ZDHHC19: variants seen among roughly 807,000 people sequenced by gnomAD.
ZDHHC19 encodes zDHHC palmitoyltransferase 19, also known as palmitoyltransferase ZDHHC19.
ZDHHC19 carries 30 observed loss-of-function variants against 33.9 expected under a neutral mutation model. The observed-to-expected ratio is 0.88, with a 90% CI of 0.66 to 1.20. ZDHHC19 has a LOEUF of 1.20. Ranked by LOEUF, ZDHHC19 falls within the 50% of genes most tolerant of loss-of-function variation. The pLI, the probability that ZDHHC19 is intolerant of heterozygous loss-of-function variation, is 0.00. For synonymous variants in ZDHHC19, 178 were observed against 167.6 expected, an observed-to-expected ratio of 1.06 and a Z score of -0.48; for missense variants, 364 against 401.1, an observed-to-expected ratio of 0.91 and a Z score of 0.79.
At chr3:196,206,637 G>A (rs141688849) in intron 5 of ZDHHC19, among the ~76,000 whole-genome samples, 313 of 151,310 alleles carry the variant, frequency 2.1e-3, no homozygotes, top group African/African-American at 7.3e-3. Flanking sequence ...ACAGGCATGA[G>A]CCACGGGGCA....
In ZDHHC19 at chr3:196,198,312, T is replaced by G. The variant is rs117210533; in HGVS notation, c.913A>C (p.Thr305Pro). 1.3e-6 allele frequency: 2 copies of G among 1,493,826 alleles called. No homozygotes were observed. Among genetic ancestry groups the G allele is most frequent in the East Asian group, 2.3e-5 (1 of 42,860 alleles). 92.5% of individuals were successfully genotyped at this position (1,493,826 alleles called of 1,614,324 possible). ...CTGCAGCCTCACCACGCCCCGGGGG[T>G]CCCTTCCCTGCTTTGTAGGGACCCA... is the stretch of plus-strand genomic sequence containing the variant. ...TSGSLQSREG[T>P]PGAW The change falls in exon 7 of 8, where the codon ACC becomes CCC. Residue 305 changes from threonine (T) to proline (P), a missense_variant. By Grantham distance (38) the Thr-to-Pro change is conservative. Transcript: ENST00000296326.
Position 196,211,386 on chromosome 3 carries a change from C to A in ZDHHC19, c.-71G>T. On this transcript the variant is annotated 5_prime_UTR_variant, in exon 1 of 8. Coordinates refer to ENST00000296326, the MANE Select transcript of ZDHHC19 (RefSeq NM_001039617.2). ...TCCTCCCCCAGCCCAGCTTCCAGAG[C>A]TCCATGGCCACGGCAGCCTCAGAGC... is the stretch of plus-strand genomic sequence containing the variant. The A allele has an allele frequency of 6.6e-7, 1 of 1,520,758 alleles. No homozygotes were observed. The highest frequency in any genetic ancestry group is 1.3e-5 in the South Asian group (1 of 76,334). The allele number at this position is 1,520,758 out of a possible 1,614,324, so 94.2% of individuals were successfully genotyped here.
intron 5 of ZDHHC19, 21 bp downstream of exon 5, chr3:196,207,377 A>G: frequency 6.5e-7 from 1 of 1,546,716 alleles, no homozygotes; most frequent in Non-Finnish European, 8.7e-7. Context: ...GTGCAAGCTG[A>G]CCACCCGCGG....
intron 1 of ZDHHC19, 94 bp downstream of exon 1, chr3:196,211,076 C>T (rs951802338): frequency 5.7e-6 from 9 of 1,585,764 alleles, no homozygotes; most frequent in Non-Finnish European, 6.9e-6. Flanking sequence ...ACCTCTCCCC[C>T]GGTCTTCTGC....
intron 5 of ZDHHC19, among the ~76,000 whole-genome samples, chr3:196,201,345 C>T (rs1044574384): frequency 1.3e-5 from 2 of 151,214 alleles, no homozygotes; most frequent in Admixed American, 6.6e-5. Context: ...GGATTACAGC[C>T]GTGAGCCACC....
chr3:196,199,624 T>C (rs1270147144), intron 5 of ZDHHC19: 8 of 154,638 alleles, frequency 5.2e-5, no homozygotes, highest in Non-Finnish European at 1.5e-5. Context: ...AGATTCTGCC[T>C]ACTTTAAGGT....
chr3:196,200,327 G>GATATATATAT (rs374551956), intron 5 of ZDHHC19, among the ~76,000 whole-genome samples: 4,302 of 116,564 alleles, frequency 0.037, 98 homozygotes, highest in Middle Eastern at 0.069. Context: ...AAAATTTAGG[G>GATATATATAT]ATATATATAT....
intron 5 of ZDHHC19, among the ~76,000 whole-genome samples, chr3:196,206,264 C>T (rs1378825736): frequency 6.6e-6 from 1 of 152,018 alleles, no homozygotes; most frequent in Non-Finnish European, 1.5e-5. Flanking sequence ...GTTGGCCAGG[C>T]TGGTCTCGAA....
intron 7 of ZDHHC19, 108 bp downstream of exon 7, chr3:196,198,168 C>T: frequency 8.8e-7 from 1 of 1,140,590 alleles, no homozygotes; most frequent in Non-Finnish European, 1.1e-6. Context: ...CGGAGCGCTC[C>T]AGCTTCAGGG....
intron 5 of ZDHHC19, among the ~76,000 whole-genome samples, chr3:196,200,110 C>T (rs1722147203): frequency 6.6e-6 from 1 of 150,968 alleles, no homozygotes; most frequent in Non-Finnish European, 1.5e-5. Context: ...AGACTTTCAT[C>T]TCTAAAAAAA....
chr3:196,208,259 C>T (rs1332970319), intron 4 of ZDHHC19, 129 bp downstream of exon 4: 1 of 477,998 alleles, frequency 2.1e-6, no homozygotes, highest in African/African-American at 2.0e-5. Flanking sequence ...CCCCGCCCAC[C>T]TCACCTCGTC....
intron 7 of ZDHHC19, 64 bp downstream of exon 7, chr3:196,198,212 T>G: frequency 7.3e-7 from 1 of 1,378,730 alleles, no homozygotes; most frequent in Non-Finnish European, 9.4e-7. Flanking sequence ...CCCCACACCC[T>G]CACAACCTGC....
Position 196,210,285 on chromosome 3 carries a change from A to AGAAAGAAGGAAGGAAG in ZDHHC19, c.268+330_268+331insCTTCCTTCCTTCTTTC, listed in dbSNP as rs750596258. On this transcript the variant is annotated intron_variant, in intron 2 of 7. Coordinates refer to ENST00000296326, the MANE Select transcript of ZDHHC19 (RefSeq NM_001039617.2). ...AAAGAAAAGAGAAAGAAAGAAAGAA[A>AGAAAGAAGGAAGGAAG]GAAGGAAGGAAGGAAAGAGAGAGGA... 2.1e-4 allele frequency among the ~76,000 whole-genome samples: 30 copies of AGAAAGAAGGAAGGAAG among 139,678 alleles called. 1 individual carries two copies. Among genetic ancestry groups the AGAAAGAAGGAAGGAAG allele is most frequent in the East Asian group, 1.1e-3 (5 of 4,630 alleles). 91.6% of individuals were successfully genotyped at this position (139,678 alleles called of 152,430 possible).
intron 6 of ZDHHC19, 70 bp from the exon 7 acceptor site, chr3:196,198,521 TG>T (rs1721985040): frequency 6.3e-7 from 1 of 1,586,766 alleles, no homozygotes; most frequent in East Asian, 2.3e-5. Context: ...CGCCTCAGCT[TG>T]GGAAGCACAC....
At chr3:196,209,584 G>A (rs947639526) in intron 2 of ZDHHC19, 69 bp from the exon 3 acceptor site, 92 of 1,545,948 alleles carry the variant, frequency 6.0e-5, no homozygotes, top group Middle Eastern at 2.2e-4. Context: ...GCAGCTCCAC[G>A]GCATCACAGG....
intron 5 of ZDHHC19, among the ~76,000 whole-genome samples, chr3:196,200,327 G>GAGAT (rs1553817275): frequency 1.7e-5 from 2 of 116,798 alleles, no homozygotes; most frequent in Non-Finnish European, 3.5e-5. Flanking sequence ...AAAATTTAGG[G>GAGAT]ATATATATAT....
In ZDHHC19 at chr3:196,198,589, C is replaced by T. The variant is rs1721992458; in HGVS notation, c.774-138G>A. 3.9e-6 allele frequency: 6 copies of T among 1,548,482 alleles called. No homozygotes were observed. In the South Asian group the frequency reaches 7.1e-5, roughly 18 times the overall value. ...GCCAGCCTCATCCAGGATGCAGCAG[C>T]CCTGTATGCCATAGTGGGGCAGGAA... On this transcript the variant is annotated intron_variant, in intron 6 of 7. Coordinates refer to ENST00000296326, the MANE Select transcript of ZDHHC19 (RefSeq NM_001039617.2).
intron 5 of ZDHHC19, among the ~76,000 whole-genome samples, chr3:196,205,391 C>A (rs911208525): frequency 1.3e-5 from 2 of 152,040 alleles, no homozygotes; most frequent in Non-Finnish European, 2.9e-5. Flanking sequence ...GTGAAAGAAG[C>A]CAGACTCACA....
intron 4 of ZDHHC19, 58 bp downstream of exon 4, chr3:196,208,330 G>A: frequency 6.5e-7 from 1 of 1,533,392 alleles, no homozygotes; most frequent in South Asian, 1.2e-5. Context: ...CCCGCCCTCT[G>A]CAGCCCCCTC....
Sources: gnomAD v4.1 joint callset for allele counts (sites outside exome capture counted in the v4.1 genomes callset) on GRCh38, gnomAD v4.1.1 for gene constraint, MANE v1.5 for transcripts, NCBI Gene and HGNC (gene_info 2026-07-23, HGNC 2026-07-21) for gene names.